RFX2: variants seen among roughly 807,000 people sequenced by gnomAD.
RFX2 encodes regulatory factor X2.
Under a neutral mutation model 87.8 loss-of-function variants are expected in RFX2, and 20 were observed. The observed-to-expected ratio is 0.23, with a 90% CI of 0.16 to 0.33. The LOEUF (loss-of-function observed/expected upper bound fraction) is 0.33, where lower values mean the gene tolerates loss of function less well. Ranked by LOEUF, RFX2 falls within the 10% of genes least tolerant of loss-of-function variation. RFX2 has a pLI of 1.00. For synonymous variants in RFX2, 397 were observed against 431.3 expected, an observed-to-expected ratio of 0.92 and a Z score of 0.98; for missense variants, 767 against 1,012.3, an observed-to-expected ratio of 0.76 and a Z score of 3.29.
At chr19:6,014,974 A>C (rs645760) in intron 7 of RFX2, among the ~76,000 whole-genome samples, 28,533 of 152,138 alleles carry the variant, frequency 0.19, 8,096 homozygotes, top group African/African-American at 0.62. Context: ...GCAGCAGCCT[A>C]CTGCACTCTC....
intron 1 of RFX2, among the ~76,000 whole-genome samples, chr19:6,084,539 T>G (rs1023787849): frequency 3.3e-5 from 5 of 152,120 alleles, no homozygotes; most frequent in Non-Finnish European, 7.4e-5. Context: ...CCCCAGCCCC[T>G]GGCACCCACC....
chr19:6,085,210 T>C (rs1218962475), intron 1 of RFX2, among the ~76,000 whole-genome samples: 3 of 152,252 alleles, frequency 2.0e-5, no homozygotes, highest in African/African-American at 4.8e-5. Flanking sequence ...CCAAAGCAGC[T>C]ACACTATTTT....
Position 6,022,592 on chromosome 19 carries a change from A to G in RFX2, c.597+3571T>C, listed in dbSNP as rs2086830781. On this transcript the variant is annotated intron_variant, in intron 6 of 17. Coordinates refer to ENST00000303657, the MANE Select transcript of RFX2 (RefSeq NM_000635.4). The surrounding 1 kb of genome is among the most constrained non-coding windows in gnomAD (Gnocchi z 6.2). ...TCTGCTCAAGTCGGTGGCCTGCCAC[A>G]CCCGGTCGGGTGAAGACATGTTTCA... 6.6e-6 allele frequency among the ~76,000 whole-genome samples: 1 copy of G among 152,274 alleles called. No homozygotes were observed. Among genetic ancestry groups the G allele is most frequent in the African/African-American group, 2.4e-5 (1 of 41,564 alleles).
At chr19:6,075,789 G>C (rs914629846) in intron 1 of RFX2, among the ~76,000 whole-genome samples, 4 of 152,186 alleles carry the variant, frequency 2.6e-5, no homozygotes, top group Non-Finnish European at 5.9e-5. Flanking sequence ...AGGATTCGGG[G>C]AGTGAGCCAG....
At chr19:6,091,186 A>G (rs970173381) in intron 1 of RFX2, among the ~76,000 whole-genome samples, 14 of 152,182 alleles carry the variant, frequency 9.2e-5, no homozygotes, top group African/African-American at 3.4e-4. Context: ...AACCATTTTA[A>G]AGTGGTTAAA....
In RFX2 at chr19:6,002,054, A is replaced by G. The variant is rs749078280; in HGVS notation, c.1651-31T>C. On this transcript the variant is annotated intron_variant, in intron 14 of 17. Transcript: ENST00000303657. The surrounding 1 kb of genome is among the most constrained non-coding windows in gnomAD (Gnocchi z 6.7). ...GGCAGGGCAGAGGCCAGTGTCAGCA[A>G]TGTGGACCCCCAGCCACGGCAGCCC... The G allele has an allele frequency of 6.4e-7, 1 of 1,559,662 alleles. No individual in the cohort carries two copies. Among genetic ancestry groups the G allele is most frequent in the Non-Finnish European group, 8.7e-7 (1 of 1,149,890 alleles).
At chr19:6,028,216 C>A (rs7254081) in intron 5 of RFX2, among the ~76,000 whole-genome samples, 56,674 of 146,416 alleles carry the variant, frequency 0.39, 12,903 homozygotes, top group African/African-American at 0.68. Context: ...AAAAAAAAAA[C>A]AACAAAACCA....
At chr19:6,078,662 G>C (rs750529897) in intron 1 of RFX2, among the ~76,000 whole-genome samples, 6 of 152,236 alleles carry the variant, frequency 3.9e-5, no homozygotes, top group Non-Finnish European at 7.3e-5. Flanking sequence ...ATGACTAACA[G>C]TGCTTACCTC....
rs936648808 is a variant in RFX2 at position 5,993,563 on chromosome 19, G to A, written c.*1272C>T. The A allele has an allele frequency of 1.3e-5, 2 of 152,204 alleles. No individual in the cohort carries two copies. The highest frequency in any genetic ancestry group is 2.1e-4 in the South Asian group (1 of 4,830). The allele number at this position is 152,204 out of a possible 1,614,324, so 9.4% of individuals were successfully genotyped here. On this transcript the variant is annotated 3_prime_UTR_variant, in exon 18 of 18. Transcript: ENST00000303657. ...AAGAAACGTTCTAATAACAATTAGC[G>A]CACAAAACTATTGGTATAAACATTT... is the stretch of plus-strand genomic sequence containing the variant.
At chr19:6,028,286 G>A (rs1456767686) in intron 5 of RFX2, among the ~76,000 whole-genome samples, 1 of 151,670 alleles carries the variant, frequency 6.6e-6, no homozygotes, top group Non-Finnish European at 1.5e-5. Context: ...ACTTACAGAA[G>A]ACAACTCTAC....
rs1247759715 is a variant in RFX2 at position 6,011,399 on chromosome 19, G to A, written c.900-1148C>T. On this transcript the variant is annotated intron_variant, in intron 8 of 17. Transcript: ENST00000303657. This position sits in a 1 kb window ranked among gnomAD's most constrained non-coding sequence, Gnocchi z 4.8. ...CCAGCGGACCTCCCTCCTCAAATAC[G>A]AAGCGGGGCCAGGCCTACAGGGAGG... Among the ~76,000 whole-genome samples, 5 of 152,162 alleles carry A rather than the reference G, an allele frequency of 3.3e-5. No homozygotes were observed. The highest frequency in any genetic ancestry group is 6.5e-5 in the Admixed American group (1 of 15,282).
At chr19:6,034,898 C>CG (rs1262256973) in intron 5 of RFX2, among the ~76,000 whole-genome samples, 1 of 152,126 alleles carries the variant, frequency 6.6e-6, no homozygotes, top group East Asian at 1.9e-4. Context: ...GAAAATTTCT[C>CG]TTTTAATGGT....
chr19:6,089,470 C>T (rs1299684270), intron 1 of RFX2, among the ~76,000 whole-genome samples: 1 of 152,188 alleles, frequency 6.6e-6, no homozygotes, highest in East Asian at 1.9e-4. Flanking sequence ...CCCCAAAACT[C>T]ACATGTTGAA....
chr19:6,082,670 G>A lies in RFX2; in HGVS notation c.-9+27723C>T, dbSNP rs550583929. Among the ~76,000 whole-genome samples, 22 of 152,170 alleles carry A rather than the reference G, an allele frequency of 1.4e-4. No homozygotes were observed. In the South Asian group the frequency reaches 4.6e-3, roughly 32 times the overall value. ...CTGGTCTTGAACTCCAGGGCTCATGGGATCCGCCCACTTTGGCCTCCCAAA... is the reference window on the plus strand; with the variant it reads ...CTGGTCTTGAACTCCAGGGCTCATGAGATCCGCCCACTTTGGCCTCCCAAA... On this transcript the variant is annotated intron_variant, in intron 1 of 17. Transcript: ENST00000303657.
chr19:6,034,792 C>T (rs2086999175), intron 5 of RFX2, among the ~76,000 whole-genome samples: 1 of 152,186 alleles, frequency 6.6e-6, no homozygotes, highest in Admixed American at 6.5e-5. Flanking sequence ...CTCCATGGAC[C>T]ACCAGGAAGG....
chr19:6,105,351 C>G (rs73543060), intron 1 of RFX2, among the ~76,000 whole-genome samples: 19,065 of 152,002 alleles, frequency 0.13, 3,771 homozygotes, highest in African/African-American at 0.42. Flanking sequence ...AGAGCCAGCC[C>G]TCCAAATACC....
chr19:6,052,162 G>A (rs1047027034), intron 1 of RFX2, among the ~76,000 whole-genome samples: 7 of 151,958 alleles, frequency 4.6e-5, no homozygotes, highest in African/African-American at 1.7e-4. Flanking sequence ...AGGTGTGAGC[G>A]CCACACTCAG....
intron 1 of RFX2, among the ~76,000 whole-genome samples, chr19:6,095,149 G>A (rs943315982): frequency 3.9e-5 from 6 of 152,148 alleles, no homozygotes; most frequent in East Asian, 3.9e-4. Context: ...AATAAAATGC[G>A]GCTACTAGAA....
intron 5 of RFX2, among the ~76,000 whole-genome samples, chr19:6,035,657 G>A (rs893610342): frequency 5.6e-4 from 86 of 152,216 alleles, no homozygotes; most frequent in African/African-American, 2.0e-3. Context: ...TCCAATGTTG[G>A]GTCCAGCAGC....
Sources: allele counts gnomAD v4.1 joint callset (sites outside exome capture counted in the v4.1 genomes callset), GRCh38; gene constraint gnomAD v4.1.1; non-coding constraint Gnocchi (gnomAD v3.1); transcripts MANE v1.5; gene names NCBI Gene and HGNC (gene_info 2026-07-23, HGNC 2026-07-21).